The following RANBP2 variants were observed in gnomAD, a reference collection of about 807,000 sequenced individuals.
RANBP2 encodes the protein E3 SUMO-protein ligase RanBP2.
A neutral mutation model predicts 303.6 loss-of-function variants in RANBP2; 57 were observed. The ratio of observed to expected loss-of-function variants is 0.19; its 90% CI spans 0.15 to 0.23. The LOEUF is 0.23. Among genes scored for constraint, RANBP2 ranks in the 10% least tolerant of loss-of-function variants. The pLI is 1.00. For missense variants in RANBP2, 3,138 were observed against 3,780.8 expected (o/e 0.83, Z 4.46); for synonymous variants, 1,167 against 1,301.5 (o/e 0.90, Z 2.23).
chr2:108,979,448 G>GTC, the RANBP2 span, among the ~76,000 whole-genome samples: 582 of 140,020 alleles, frequency 4.2e-3, 2 homozygotes, highest in South Asian at 9.0e-3. Flanking sequence ...CTCTCTCTCT[G>GTC]TCTCTGTCTC....
At chr2:109,160,365 T>G in the RANBP2 span, among the ~76,000 whole-genome samples, 2 of 152,198 alleles carry the variant, frequency 1.3e-5, no homozygotes, top group African/African-American at 4.8e-5. Context: ...GAAACACATT[T>G]GTGTGCCCAA....
the RANBP2 span, among the ~76,000 whole-genome samples, chr2:109,577,967 G>T: frequency 6.0e-4 from 90 of 150,750 alleles, 2 homozygotes; most frequent in South Asian, 0.017. Flanking sequence ...AGGAGAAGCG[G>T]TTAAATGAAA....
chr2:109,301,607 G>A, the RANBP2 span, among the ~76,000 whole-genome samples: 14 of 152,168 alleles, frequency 9.2e-5, no homozygotes, highest in East Asian at 2.1e-3. Flanking sequence ...CAGGGCCTCT[G>A]TGGGCTCAGA....
chr2:108,835,472 T>G, the RANBP2 span, among the ~76,000 whole-genome samples: 6 of 152,170 alleles, frequency 3.9e-5, no homozygotes, highest in African/African-American at 1.4e-4. Context: ...CAAATGAAAT[T>G]CACCACTGAT....
chr2:109,228,168 A>G, the RANBP2 span, among the ~76,000 whole-genome samples: 1 of 152,190 alleles, frequency 6.6e-6, no homozygotes, highest in East Asian at 1.9e-4. Context: ...TTTGGCAAAC[A>G]TGGTGCTACT....
the RANBP2 span, among the ~76,000 whole-genome samples, chr2:109,037,770 CTAAAATTA>C: frequency 6.6e-6 from 1 of 152,082 alleles, no homozygotes; most frequent in African/African-American, 2.4e-5. Context: ...CATTTGCACG[CTAAAATTA>C]TAAAATGCTT....
At chr2:109,563,789 A>G in the RANBP2 span, among the ~76,000 whole-genome samples, 8 of 152,192 alleles carry the variant, frequency 5.3e-5, no homozygotes, top group Non-Finnish European at 1.2e-4. Flanking sequence ...AAACCTTTAC[A>G]GAAGAAAAAC....
the RANBP2 span, among the ~76,000 whole-genome samples, chr2:109,508,682 A>G: frequency 5.3e-5 from 8 of 152,110 alleles, no homozygotes; most frequent in South Asian, 4.1e-4. Flanking sequence ...GAAGTGTCAC[A>G]TGGGACACCC....
the RANBP2 span, among the ~76,000 whole-genome samples, chr2:109,249,976 G>A: frequency 7.9e-5 from 12 of 151,600 alleles, no homozygotes; most frequent in African/African-American, 2.7e-4. Flanking sequence ...GAGCCACCGC[G>A]CCCGGCCTGC....
At chr2:109,352,244 G>A in the RANBP2 span, among the ~76,000 whole-genome samples, 4 of 152,162 alleles carry the variant, frequency 2.6e-5, no homozygotes, top group East Asian at 1.9e-4. Context: ...TTGCACTTCC[G>A]TCAGATGGTA....
the RANBP2 span, among the ~76,000 whole-genome samples, chr2:109,028,347 T>C: frequency 6.6e-6 from 1 of 152,224 alleles, no homozygotes; most frequent in Non-Finnish European, 1.5e-5. Context: ...GCCTCAGGGC[T>C]AATGGAAAGT....
chr2:108,911,884 C>T, the RANBP2 span, among the ~76,000 whole-genome samples: 10 of 152,250 alleles, frequency 6.6e-5, no homozygotes, highest in Non-Finnish European at 2.9e-5. Context: ...GGAAAACCAG[C>T]CTCCCAGCAT....
the RANBP2 span, among the ~76,000 whole-genome samples, chr2:109,311,490 C>T: frequency 1.3e-5 from 2 of 149,422 alleles, no homozygotes; most frequent in Admixed American, 6.7e-5. Context: ...AAGTTCTGGC[C>T]AGGGCAATTA....
the RANBP2 span, among the ~76,000 whole-genome samples, chr2:109,320,363 G>C: frequency 3.9e-5 from 6 of 152,156 alleles, no homozygotes; most frequent in Non-Finnish European, 7.3e-5. Flanking sequence ...AAGCCCACCT[G>C]AGCAGCAGGT....
chr2:108,861,276 ACACT>A, the RANBP2 span, among the ~76,000 whole-genome samples: 2 of 151,586 alleles, frequency 1.3e-5, no homozygotes, highest in African/African-American at 4.8e-5. Flanking sequence ...TTTCAAAAAA[ACACT>A]TTTTCATTTC....
At chr2:109,180,036 C>G in the RANBP2 span, among the ~76,000 whole-genome samples, 1 of 152,014 alleles carries the variant, frequency 6.6e-6, no homozygotes, top group African/African-American at 2.4e-5. Context: ...GTGGTGGGAT[C>G]TTATTGTAAG....
chr2:109,405,711 T>C, the RANBP2 span, among the ~76,000 whole-genome samples: 1 of 152,314 alleles, frequency 6.6e-6, no homozygotes, highest in African/African-American at 2.4e-5. Flanking sequence ...CCATGTCACC[T>C]TTCCACCACC....
At chr2:108,893,726 T>C in the RANBP2 span, among the ~76,000 whole-genome samples, 17 of 152,188 alleles carry the variant, frequency 1.1e-4, 1 homozygote, top group East Asian at 3.3e-3. Context: ...CATGACAATC[T>C]TAAACACACA....
chr2:109,615,586 C>G, the RANBP2 span: 26 of 1,613,538 alleles, frequency 1.6e-5, no homozygotes, highest in Admixed American at 4.3e-4. Flanking sequence ...GCCTACGACG[C>G]CGATGTGGAC....
Sources: allele counts gnomAD v4.1 joint callset (sites outside exome capture counted in the v4.1 genomes callset), GRCh38; gene constraint gnomAD v4.1.1; transcripts MANE v1.5; gene names NCBI Gene and HGNC (gene_info 2026-07-23, HGNC 2026-07-21).